Variants in DACH2 observed in about 807,000 individuals in gnomAD.
DACH2 encodes dachshund family transcription factor 2, also known as dachshund homolog 2.
Under a neutral mutation model 35.8 loss-of-function variants are expected in DACH2, and 17 were observed. The ratio of observed to expected loss-of-function variants is 0.48; its 90% CI spans 0.33 to 0.71. DACH2 has a LOEUF of 0.71. DACH2 is among the 30% of genes least tolerant of loss of function. The pLI is 0.02. For synonymous variants in DACH2, 195 were observed against 177.3 expected (o/e 1.10, Z -0.79); for missense variants, 469 against 472.7 (o/e 0.99, Z 0.07).
intron 1 of DACH2, among the ~76,000 whole-genome samples, chrX:86,368,371 C>T (rs1602447421): frequency 9.0e-6 from 1 of 110,863 alleles, no homozygotes; most frequent in East Asian, 2.9e-4. Context: ...TCCTCCATAG[C>T]ACAGAGCCTT....
intron 2 of DACH2, among the ~76,000 whole-genome samples, chrX:86,419,727 T>A (rs2036770129): frequency 8.9e-6 from 1 of 111,773 alleles, no homozygotes. Flanking sequence ...GAGGGGATTA[T>A]CTCAGAAAAT....
At chrX:86,292,602 T>A (rs1333586622) in intron 1 of DACH2, among the ~76,000 whole-genome samples, 1 of 110,753 alleles carries the variant, frequency 9.0e-6, no homozygotes, top group Non-Finnish European at 1.9e-5. Context: ...TTTGAATGCG[T>A]CCCAGAGATT....
At chrX:86,459,538 G>A (rs2037531827) in intron 2 of DACH2, among the ~76,000 whole-genome samples, 1 of 111,468 alleles carries the variant, frequency 9.0e-6, no homozygotes, top group Admixed American at 9.6e-5. Flanking sequence ...ACAAACTAAT[G>A]TAGTAAATGA....
chrX:86,443,072 C>A (rs1481137998), intron 2 of DACH2, among the ~76,000 whole-genome samples: 1 of 111,234 alleles, frequency 9.0e-6, no homozygotes, highest in East Asian at 2.8e-4. Flanking sequence ...TTTTGTAGTT[C>A]CATATAATTT....
At chrX:86,543,859 T>G (rs1298805305) in intron 3 of DACH2, among the ~76,000 whole-genome samples, 85 of 94,260 alleles carry the variant, frequency 9.0e-4, no homozygotes, top group Non-Finnish European at 1.6e-3. Flanking sequence ...GGGGGAGGGA[T>G]AGCATTGGGA....
intron 4 of DACH2, among the ~76,000 whole-genome samples, chrX:86,667,547 AG>A (rs1265592704): frequency 2.7e-4 from 9 of 33,139 alleles, no homozygotes; most frequent in Non-Finnish European, 3.3e-4. Context: ...GAAAGAAAGA[AG>A]AAAGAAAGAA....
At chrX:86,323,801 G>A (rs182033582) in intron 1 of DACH2, among the ~76,000 whole-genome samples, 33 of 111,706 alleles carry the variant, frequency 3.0e-4, no homozygotes, top group African/African-American at 1.0e-3. Flanking sequence ...CACCCCGAGG[G>A]TACTGGGGGA....
At position 86,584,986 on chromosome X, in the gene DACH2, C is replaced by T. The variant is rs1232007075; in HGVS notation, c.641-66050C>T. 2.7e-5 allele frequency among the ~76,000 whole-genome samples: 3 copies of T among 111,185 alleles called. No homozygotes were observed. The Admixed American group carries it at 2.9e-4, about 11-fold the overall frequency. The stretch of plus-strand genomic sequence containing the variant: ...TCATGGCAAAGAACATGATTTTATT[C>T]TTTTTTATGGCTGTGCAGTATTCCA... On this transcript the variant is annotated intron_variant, in intron 3 of 11. Coordinates refer to ENST00000373125, the MANE Select transcript of DACH2 (RefSeq NM_053281.3).
At chrX:86,529,639 A>T (rs1017408096) in intron 3 of DACH2, among the ~76,000 whole-genome samples, 4 of 108,192 alleles carry the variant, frequency 3.7e-5, no homozygotes, top group Admixed American at 1.0e-4. Flanking sequence ...CACCCAGCTA[A>T]TTTTTTGTAT....
intron 11 of DACH2, among the ~76,000 whole-genome samples, chrX:86,819,484 T>C (rs2042487113): frequency 8.9e-6 from 1 of 112,069 alleles, no homozygotes; most frequent in Non-Finnish European, 1.9e-5. Flanking sequence ...GCATAGTGCA[T>C]TTTTGCTGAT....
At chrX:86,606,228 G>A (rs1472092886) in intron 3 of DACH2, among the ~76,000 whole-genome samples, 1 of 109,041 alleles carries the variant, frequency 9.2e-6, no homozygotes. Context: ...TAGTAATTTT[G>A]GGTTTTGCTT....
chrX:86,289,510 C>T (rs1031597820), intron 1 of DACH2, among the ~76,000 whole-genome samples: 31 of 106,778 alleles, frequency 2.9e-4, no homozygotes, highest in African/African-American at 8.9e-4. Context: ...CAAGCTGGTG[C>T]GCTGCACCCA....
At chrX:86,797,706 T>G (rs1232130948) in intron 7 of DACH2, among the ~76,000 whole-genome samples, 1 of 111,983 alleles carries the variant, frequency 8.9e-6, no homozygotes, top group Non-Finnish European at 1.9e-5. Context: ...AAGGGCTGTT[T>G]TAACCTGTAG....
At chrX:86,584,461 T>C (rs991028120) in intron 3 of DACH2, among the ~76,000 whole-genome samples, 1 of 111,233 alleles carries the variant, frequency 9.0e-6, no homozygotes, top group African/African-American at 3.3e-5. Flanking sequence ...TATGTTCTGC[T>C]TATTCTCTTA....
At chrX:86,420,189 G>A (rs2036778673) in intron 2 of DACH2, among the ~76,000 whole-genome samples, 1 of 111,766 alleles carries the variant, frequency 8.9e-6, no homozygotes, top group Non-Finnish European at 1.9e-5. Context: ...CCTCAATTAT[G>A]GGAAGGCATG....
chrX:86,419,998 A>G (rs985056956), intron 2 of DACH2, among the ~76,000 whole-genome samples: 16 of 111,994 alleles, frequency 1.4e-4, no homozygotes, highest in African/African-American at 4.9e-4. Context: ...TTAAACTAGT[A>G]TGCACGTTGA....
intron 7 of DACH2, among the ~76,000 whole-genome samples, chrX:86,762,358 A>G (rs1051745760): frequency 9.0e-6 from 1 of 111,494 alleles, no homozygotes; most frequent in African/African-American, 3.3e-5. Flanking sequence ...TTTTCAAATA[A>G]TTAGAGCTTT....
At chrX:86,551,508 C>T (rs1018373990) in intron 3 of DACH2, among the ~76,000 whole-genome samples, 4 of 111,916 alleles carry the variant, frequency 3.6e-5, no homozygotes, top group Non-Finnish European at 7.5e-5. Flanking sequence ...GTGGTATCTC[C>T]ATCTCTTGAG....
At chrX:86,431,948 T>G (rs2036991485) in intron 2 of DACH2, among the ~76,000 whole-genome samples, 1 of 112,097 alleles carries the variant, frequency 8.9e-6, no homozygotes, top group Non-Finnish European at 1.9e-5. Flanking sequence ...ATGAAGAGCT[T>G]TCCATATTGT....
Sources: gnomAD v4.1 joint callset for allele counts (sites outside exome capture counted in the v4.1 genomes callset) on GRCh38, gnomAD v4.1.1 for gene constraint, MANE v1.5 for transcripts, NCBI Gene and HGNC (gene_info 2026-07-23, HGNC 2026-07-21) for gene names.